Variants in GRM5 observed in about 807,000 individuals in gnomAD.
GRM5 encodes glutamate metabotropic receptor 5.
A neutral mutation model predicts 83.1 loss-of-function variants in GRM5; 19 were observed. The ratio of observed to expected loss-of-function variants is 0.23; its 90% CI spans 0.16 to 0.34. GRM5 has a LOEUF of 0.34. GRM5 is among the 10% of genes least tolerant of loss of function. GRM5 has a pLI of 1.00. For missense variants in GRM5, 1,160 were observed against 1,588.3 expected, an observed-to-expected ratio of 0.73 and a Z score of 4.58; for synonymous variants, 675 against 633.6, an observed-to-expected ratio of 1.07 and a Z score of -0.98.
rs79348072 is a variant in GRM5 at position 88,785,520 on chromosome 11, G to A, written c.911+64386C>T. Among the ~76,000 whole-genome samples the A allele has an allele frequency of 4.9e-3, 742 of 152,150 alleles. 5 individuals carry two copies. Among genetic ancestry groups the A allele is most frequent in the African/African-American group, 0.017 (714 of 41,532 alleles). ...TACTTATGACCTCAAAACATCTATA[G>A]TTAAAATAATTAGGCAGATGAACAA... On this transcript the variant is annotated intron_variant, in intron 3 of 9. Transcript: ENST00000305447.
rs1250543268 is a variant in GRM5 at position 88,843,576 on chromosome 11, A to C, written c.911+6330T>G. On this transcript the variant is annotated intron_variant, in intron 3 of 9. Transcript: ENST00000305447. ...TAACCCTAGAGACACAACAGTATTG[A>C]AATTAGGCTAATTAATAGCCCTACA... Among the ~76,000 whole-genome samples, 4 of 152,178 alleles carry C rather than the reference A, an allele frequency of 2.6e-5. No individual in the cohort carries two copies. In the East Asian group the frequency reaches 7.7e-4, roughly 29 times the overall value.
At chr11:88,641,017 G>A (rs1391513592) in intron 4 of GRM5, among the ~76,000 whole-genome samples, 1 of 152,112 alleles carries the variant, frequency 6.6e-6, no homozygotes, top group Non-Finnish European at 1.5e-5. Flanking sequence ...TTGAGACTGG[G>A]AACTTAATAA....
At chr11:88,724,688 C>T (rs1941633921) in intron 3 of GRM5, among the ~76,000 whole-genome samples, 1 of 152,142 alleles carries the variant, frequency 6.6e-6, no homozygotes, top group South Asian at 2.1e-4. Context: ...GTGATTTCTG[C>T]ATTTCCAGCT....
intron 8 of GRM5, among the ~76,000 whole-genome samples, chr11:88,557,023 A>G (rs1183229909): frequency 6.6e-6 from 1 of 152,204 alleles, no homozygotes; most frequent in Non-Finnish European, 1.5e-5. Flanking sequence ...AAAATGAGAT[A>G]CATGCTTGAG....
intron 9 of GRM5, among the ~76,000 whole-genome samples, chr11:88,517,467 TGAA>T (rs1337998770): frequency 6.6e-6 from 1 of 152,150 alleles, no homozygotes; most frequent in African/African-American, 2.4e-5. Context: ...ACATTTGTGT[TGAA>T]GAATCAGTTC....
At chr11:88,826,104 C>A (rs755000717) in intron 3 of GRM5, among the ~76,000 whole-genome samples, 6 of 151,980 alleles carry the variant, frequency 3.9e-5, no homozygotes, top group Non-Finnish European at 7.4e-5. Context: ...TGAACAAATG[C>A]GGGAGGTCTT....
At chr11:88,794,609 T>C (rs1264425084) in intron 3 of GRM5, among the ~76,000 whole-genome samples, 2 of 152,058 alleles carry the variant, frequency 1.3e-5, no homozygotes, top group Admixed American at 1.3e-4. Context: ...GTAAGGTGAG[T>C]CCATGGGCAT....
chr11:88,700,377 T>G (rs1941002603), intron 3 of GRM5, among the ~76,000 whole-genome samples: 1 of 152,094 alleles, frequency 6.6e-6, no homozygotes, highest in Non-Finnish European at 1.5e-5. Flanking sequence ...GGGTGATACA[T>G]GGATCTGAAA....
chr11:88,848,335 G>T (rs202237722), intron 3 of GRM5, among the ~76,000 whole-genome samples: 1 of 152,086 alleles, frequency 6.6e-6, no homozygotes, highest in Non-Finnish European at 1.5e-5. Context: ...CCATCAGATC[G>T]GACAGAAAAG....
intron 2 of GRM5, among the ~76,000 whole-genome samples, chr11:88,948,974 C>G (rs1291329369): frequency 6.6e-6 from 1 of 152,176 alleles, no homozygotes; most frequent in East Asian, 1.9e-4. Context: ...AATTTTACAT[C>G]TGGAAAGATA....
intron 2 of GRM5, among the ~76,000 whole-genome samples, chr11:88,877,560 C>A (rs1944876438): frequency 6.6e-6 from 1 of 151,826 alleles, no homozygotes; most frequent in Non-Finnish European, 1.5e-5. Context: ...TGACTGTAAT[C>A]CCAGCACTTT....
At chr11:88,709,319 A>G (rs1221498737) in intron 3 of GRM5, among the ~76,000 whole-genome samples, 1 of 152,024 alleles carries the variant, frequency 6.6e-6, no homozygotes, top group African/African-American at 2.4e-5. Flanking sequence ...GAGGGGATGG[A>G]CCATGAGGCT....
rs1221026502 is a variant in GRM5 at position 88,884,482 on chromosome 11, G to A, written c.662-34327C>T. Among the ~76,000 whole-genome samples, 41 of 152,170 alleles carry A rather than the reference G, an allele frequency of 2.7e-4. 1 individual carries two copies. ...CTTGTCTCAGATGAGACTTTGGACT[G>A]TGGGCTTTTTAGTTAATGCTGAAAT... On this transcript the variant is annotated intron_variant, in intron 2 of 9. Coordinates refer to ENST00000305447, the MANE Select transcript of GRM5 (RefSeq NM_001143831.3).
rs960128771 is a variant in GRM5, at chr11:88,729,271, T to A, written c.912-75868A>T. ...AGCCAAATAATGAGGGAACTCCCAT[T>A]CACAGTTGCTACAAAGAGAATAAAA... On this transcript the variant is annotated intron_variant, in intron 3 of 9. Coordinates refer to ENST00000305447, the MANE Select transcript of GRM5 (RefSeq NM_001143831.3). 1.1e-4 allele frequency among the ~76,000 whole-genome samples: 17 copies of A among 152,078 alleles called. No individual in the cohort carries two copies. In the East Asian group the frequency reaches 3.3e-3, roughly 29 times the overall value.
At chr11:88,914,367 A>C (rs1444001340) in intron 2 of GRM5, among the ~76,000 whole-genome samples, 4 of 152,196 alleles carry the variant, frequency 2.6e-5, no homozygotes, top group East Asian at 1.9e-4. Flanking sequence ...CAATCACATC[A>C]AGTTCTCTAT....
chr11:88,541,301 C>T (rs1053580397), intron 8 of GRM5, among the ~76,000 whole-genome samples: 1 of 152,080 alleles, frequency 6.6e-6, no homozygotes, highest in Admixed American at 6.5e-5. Flanking sequence ...TTAGTATTTG[C>T]TAGGTCCTAA....
At chr11:88,920,747 G>C (rs779050596) in intron 2 of GRM5, among the ~76,000 whole-genome samples, 2 of 152,074 alleles carry the variant, frequency 1.3e-5, no homozygotes, top group African/African-American at 4.8e-5. Flanking sequence ...TTAAGTTCTG[G>C]GATACATGTG....
intron 3 of GRM5, among the ~76,000 whole-genome samples, chr11:88,838,475 G>T (rs959917392): frequency 6.6e-6 from 1 of 152,158 alleles, no homozygotes; most frequent in African/African-American, 2.4e-5. Flanking sequence ...TCCTGTGATT[G>T]TTCAGTCCTG....
intron 3 of GRM5, among the ~76,000 whole-genome samples, chr11:88,716,548 A>T (rs994602956): frequency 7.9e-5 from 12 of 151,932 alleles, no homozygotes; most frequent in African/African-American, 2.9e-4. Flanking sequence ...TGACTGCTTA[A>T]TGCTTTCAGA....
Sources: gnomAD v4.1 joint callset for allele counts (sites outside exome capture counted in the v4.1 genomes callset) on GRCh38, gnomAD v4.1.1 for gene constraint, MANE v1.5 for transcripts, NCBI Gene and HGNC (gene_info 2026-07-23, HGNC 2026-07-21) for gene names.